The following MIEF1 variants were observed in gnomAD, a reference collection of about 807,000 sequenced individuals.
MIEF1 encodes the protein mitochondrial dynamics protein MIEF1.
In MIEF1, 14 loss-of-function variants were observed where a neutral mutation model predicts 35.1. That is an observed-to-expected ratio of 0.40 (90% CI 0.26 to 0.62). The LOEUF is 0.62. Ranked by LOEUF, MIEF1 falls within the 20% of genes least tolerant of loss-of-function variation. The pLI is 0.43. For missense variants in MIEF1, 542 were observed against 615.4 expected, an observed-to-expected ratio of 0.88 and a Z score of 1.26; for synonymous variants, 245 against 254.3, an observed-to-expected ratio of 0.96 and a Z score of 0.35.
rs1930621801 is a variant in MIEF1 at position 39,515,581 on chromosome 22, A to AGAG, written c.*1260_*1262dup. The AGAG allele has an allele frequency of 1.9e-6, 1 of 530,214 alleles. No individual in the cohort carries two copies. Among genetic ancestry groups the AGAG allele is most frequent in the African/African-American group, 1.9e-5 (1 of 52,466 alleles). The allele number at this position is 530,214 out of a possible 1,614,324, so 32.8% of individuals were successfully genotyped here. A position where few individuals can be genotyped will look rare whatever the true frequency, so the allele number is the denominator to read the frequency against. On this transcript the variant is annotated 3_prime_UTR_variant, in exon 6 of 6. Coordinates refer to ENST00000325301, the MANE Select transcript of MIEF1 (RefSeq NM_019008.6). ...AAGGAAGAGAGCACACAGATAAGAC[A>AGAG]GAGGGGAGGAGGTGGGCATTTCCTA...
chr22:39,510,183 C>G (rs1004842048), intron 2 of MIEF1, among the ~76,000 whole-genome samples: 1 of 152,148 alleles, frequency 6.6e-6, no homozygotes, highest in Admixed American at 6.5e-5. Context: ...GTCTTGAACT[C>G]CTGATCTCAG....
intron 2 of MIEF1, among the ~76,000 whole-genome samples, chr22:39,505,025 T>C (rs1313007292): frequency 6.6e-6 from 1 of 152,074 alleles, no homozygotes; most frequent in Non-Finnish European, 1.5e-5. Flanking sequence ...AAACCCTGTC[T>C]CTACCAAAAA....
At chr22:39,508,074 A>G (rs1198011464) in intron 2 of MIEF1, among the ~76,000 whole-genome samples, 2 of 152,202 alleles carry the variant, frequency 1.3e-5, no homozygotes, top group Admixed American at 6.5e-5. Context: ...TTTACAGTTT[A>G]TAGACCATCC....
upstream of MIEF1, among the ~76,000 whole-genome samples, chr22:39,500,940 G>A (rs1172481131): frequency 6.6e-6 from 1 of 151,846 alleles, no homozygotes; most frequent in Non-Finnish European, 1.5e-5. Flanking sequence ...AAGTAGATCC[G>A]CCCACCTCAG....
intron 2 of MIEF1, among the ~76,000 whole-genome samples, chr22:39,505,164 A>G (rs1929952967): frequency 6.6e-6 from 1 of 152,016 alleles, no homozygotes; most frequent in African/African-American, 2.4e-5. Context: ...ACTGCACTCC[A>G]GCCTGGGTGA....
chr22:39,513,395 C>G, intron 5 of MIEF1, 122 bp from the exon 6 acceptor site: 1 of 1,042,082 alleles, frequency 9.6e-7, no homozygotes, highest in Non-Finnish European at 1.4e-6. Flanking sequence ...TGGGCCACTG[C>G]GCCCGGCCTA....
chr22:39,517,376 T>C lies in MIEF1; in HGVS notation c.*3053T>C, dbSNP rs1025806700. 1 of 260,298 alleles carries C rather than the reference T, an allele frequency of 3.8e-6. No individual in the cohort carries two copies. The allele number at this position is 260,298 out of a possible 1,614,324, so 16.1% of individuals were successfully genotyped here. A position where few individuals can be genotyped will look rare whatever the true frequency, so the allele number is the denominator to read the frequency against. ...ACTTTTAAAGTTTTATTTAAATAAATGTTGAAGCTCAAGTTTAAAGAAGCG... is the reference window on the plus strand; with the variant it reads ...ACTTTTAAAGTTTTATTTAAATAAACGTTGAAGCTCAAGTTTAAAGAAGCG... On this transcript the variant is annotated 3_prime_UTR_variant, in exon 6 of 6. Coordinates refer to ENST00000325301, the MANE Select transcript of MIEF1 (RefSeq NM_019008.6).
At chr22:39,512,714 T>C (rs1474920356) in intron 5 of MIEF1, among the ~76,000 whole-genome samples, 1 of 152,106 alleles carries the variant, frequency 6.6e-6, no homozygotes, top group Non-Finnish European at 1.5e-5. Flanking sequence ...TGGTGCGATC[T>C]CGACTCACTG....
rs1219960210 is a variant in MIEF1, at chr22:39,514,369, C to T, written c.*46C>T. On this transcript the variant is annotated 3_prime_UTR_variant, in exon 6 of 6. Transcript: ENST00000325301. ...GGTGTTGGTGGTCAGGCCCTGGATT[C>T]TCCGTTAGATACACTTGGCTACCTA... 1 of 1,590,370 alleles carries T rather than the reference C, an allele frequency of 6.3e-7. No homozygotes were observed. The highest frequency in any genetic ancestry group is 8.6e-7 in the Non-Finnish European group (1 of 1,165,770).
chr22:39,510,460 G>T (rs1930272721), intron 2 of MIEF1, among the ~76,000 whole-genome samples: 1 of 152,090 alleles, frequency 6.6e-6, no homozygotes, highest in African/African-American at 2.4e-5. Flanking sequence ...TTTGGAGATG[G>T]GGGTCTTGCC....
chr22:39,515,147 CA>C lies in MIEF1; in HGVS notation c.*825del. The stretch of plus-strand genomic sequence containing the variant: ...GTCATCTGTGGCTGCAGGGGTCAGA[CA>C]GACAAGGATGGGGACTGCCAGGGCA... On this transcript the variant is annotated 3_prime_UTR_variant, in exon 6 of 6. Coordinates refer to ENST00000325301, the MANE Select transcript of MIEF1 (RefSeq NM_019008.6). 1 of 646,310 alleles carries C rather than the reference CA, an allele frequency of 1.5e-6. No individual in the cohort carries two copies. The highest frequency in any genetic ancestry group is 2.9e-6 in the Non-Finnish European group (1 of 349,778). 40.0% of individuals were successfully genotyped at this position (646,310 alleles called of 1,614,324 possible).
chr22:39,506,757 A>G (rs1034288981), intron 2 of MIEF1, among the ~76,000 whole-genome samples: 4 of 152,214 alleles, frequency 2.6e-5, no homozygotes, highest in African/African-American at 9.7e-5. Flanking sequence ...CCATTTTTGT[A>G]TCTAGCGAGA....
Position 39,513,709 on chromosome 22 carries a change from A to G in MIEF1, c.778A>G (p.Lys260Glu). ...RCVVGGYLSP[K>E]TVADTFEKVV... ...TGTAGTAGGGGGCTACCTCTCTCCA[A>G]AGACAGTCGCAGATACATTTGAGAA... The change falls in exon 6 of 6, where the codon AAG (lysine) becomes GAG (glutamate). Residue 260 changes from lysine to glutamate, a missense_variant. By Grantham distance (56) the Lys-to-Glu change is moderately conservative (BLOSUM62 1). Transcript: ENST00000325301. 1 of 1,614,142 alleles carries G rather than the reference A, an allele frequency of 6.2e-7. No homozygotes were observed. Among genetic ancestry groups the G allele is most frequent in the Non-Finnish European group, 8.5e-7 (1 of 1,180,016 alleles).
intron 2 of MIEF1, among the ~76,000 whole-genome samples, chr22:39,509,803 C>T (rs1191778120): frequency 2.0e-5 from 3 of 152,072 alleles, no homozygotes; most frequent in Admixed American, 6.5e-5. Context: ...GTTTCAGTTC[C>T]GTGTGCAGGA....
rs1317211828 is a variant in MIEF1, at chr22:39,517,326, A to G, written c.*3003A>G. ...TAAAAAATGAGCTGAAGATGACAGT[A>G]TTTTTCTTTACATGCTTGGTTATGA... On this transcript the variant is annotated 3_prime_UTR_variant, in exon 6 of 6. Transcript: ENST00000325301. 3.3e-5 allele frequency: 8 copies of G among 245,500 alleles called. No individual in the cohort carries two copies. The South Asian group carries it at 3.3e-4, about 10-fold the overall frequency. The allele number at this position is 245,500 out of a possible 1,614,324, so 15.2% of individuals were successfully genotyped here. A position where few individuals can be genotyped will look rare whatever the true frequency, so the allele number is the denominator to read the frequency against.
Position 39,514,063 on chromosome 22 carries a change from G to A in MIEF1, c.1132G>A (p.Gly378Ser), listed in dbSNP as rs929482179. The A allele has an allele frequency of 1.9e-5, 31 of 1,613,920 alleles. No homozygotes were observed. Among genetic ancestry groups the A allele is most frequent in the Non-Finnish European group, 2.6e-5 (31 of 1,180,032 alleles). ...CATATGCAAGTCCACCCCGGCTCTG[G>A]GCCACCTCACTGCCAGCCAGCTAAC... ...KAICKSTPALGHLTASQLTNV... is the reference protein window; with the variant it reads ...KAICKSTPALSHLTASQLTNV... The change falls in exon 6 of 6, where the codon GGC (glycine) becomes AGC (serine). Residue 378 changes from glycine to serine, a missense_variant. Gly to Ser is a moderately conservative substitution (Grantham distance 56). Coordinates refer to ENST00000325301, the MANE Select transcript of MIEF1 (RefSeq NM_019008.6).
chr22:39,511,433 A>C lies in MIEF1; in HGVS notation c.139A>C (p.Lys47Gln), dbSNP rs1455418253. Reference sequence around the variant, plus strand: ...GCTGGGCATCGCCACGCTGGCAGTTAAGCGGGTAAGTGCATGCAGCCAGGG... The same window carrying C: ...GCTGGGCATCGCCACGCTGGCAGTTCAGCGGGTAAGTGCATGCAGCCAGGG... Reference protein sequence around the residue: ...AMLGIATLAVKRMYDRAISAP... With the variant: ...AMLGIATLAVQRMYDRAISAP... The change falls in exon 3 of 6, where the codon AAG becomes CAG. Residue 47 changes from lysine (K) to glutamine (Q), a missense_variant. Transcript: ENST00000325301. 2 of 1,572,518 alleles carry C rather than the reference A, an allele frequency of 1.3e-6. No homozygotes were observed. Among genetic ancestry groups the C allele is most frequent in the African/African-American group, 2.7e-5 (2 of 74,194 alleles).
chr22:39,503,803 C>T (rs1017787890), intron 1 of MIEF1: 3 of 153,640 alleles, frequency 2.0e-5, no homozygotes, highest in African/African-American at 7.2e-5. Context: ...TGTCTTCAAC[C>T]CTCCTAGATC....
At chr22:39,512,143 A>G (rs1351715046) in intron 4 of MIEF1, 89 bp from the exon 5 acceptor site, 77 of 1,560,314 alleles carry the variant, frequency 4.9e-5, no homozygotes, top group Non-Finnish European at 5.9e-5. Context: ...CTTGCCCTCC[A>G]TGCCAGGCCC....
Sources: allele counts gnomAD v4.1 joint callset (sites outside exome capture counted in the v4.1 genomes callset), GRCh38; gene constraint gnomAD v4.1.1; transcripts MANE v1.5; gene names NCBI Gene and HGNC (gene_info 2026-07-23, HGNC 2026-07-21).